The following LFNG variants were observed in gnomAD, a reference collection of about 807,000 sequenced individuals.
LFNG encodes the protein beta-1,3-N-acetylglucosaminyltransferase lunatic fringe.
A neutral mutation model predicts 32.7 loss-of-function variants in LFNG; 15 were observed. The observed-to-expected ratio is 0.46, with a 90% CI of 0.31 to 0.71. LFNG has a LOEUF of 0.71. Ranked by LOEUF, LFNG falls within the 30% of genes least tolerant of loss-of-function variation. The pLI is 0.06. For synonymous variants in LFNG, 274 were observed against 246.8 expected, an observed-to-expected ratio of 1.11 and a Z score of -1.03; for missense variants, 520 against 545.7, an observed-to-expected ratio of 0.95 and a Z score of 0.47.
chr7:2,529,155 T>A (rs1233616106), downstream of LFNG: 1 of 318,014 alleles, frequency 3.1e-6, no homozygotes, highest in East Asian at 4.7e-5. The surrounding 1 kb of genome is among the most constrained non-coding windows in gnomAD (Gnocchi z 4.2). Flanking sequence ...ACAGCAGCTC[T>A]GCGGTGCTTT....
rs770669804 is a variant in LFNG at position 2,527,196 on chromosome 7, G to A, written c.1124G>A (p.Arg375His). 77 of 1,612,594 alleles carry A rather than the reference G, an allele frequency of 4.8e-5. No homozygotes were observed. In the East Asian group the frequency reaches 7.6e-4, roughly 16 times the overall value. Residue 375 changes from arginine (R) to histidine (H), a missense_variant, in exon 8 of 8, where the codon CGC (arginine) becomes CAC (histidine). Transcript: ENST00000222725. This position sits in a 1 kb window ranked among gnomAD's most constrained non-coding sequence, Gnocchi z 4.4. ...TACCCGGACACACCCTGGTGTCCCC[G>A]CACTGCCATCTTCTAGTGGCCATGG... The part of the protein sequence containing the change: ...HLYPDTPWCP[R>H]TAIF
Position 2,520,183 on chromosome 7 carries a change from G to C in LFNG, c.322G>C (p.Glu108Gln), listed in dbSNP as rs1479321349. The C allele has an allele frequency of 8.3e-6, 13 of 1,568,018 alleles. No homozygotes were observed. Among genetic ancestry groups the C allele is most frequent in the Non-Finnish European group, 1.1e-5 (13 of 1,159,114 alleles). Residue 108 changes from glutamate to glutamine, a missense_variant, in exon 1 of 8, where the codon GAG (glutamate) becomes CAG (glutamine). By Grantham distance (29) the Glu-to-Gln change is conservative. Around this residue, in one of 3 missense-constraint regions of LFNG, gnomAD observed 360 missense variants for 354.7 expected, o/e 1.01. Transcript: ENST00000222725. The surrounding 1 kb of genome is among the most constrained non-coding windows in gnomAD (Gnocchi z 5.0). ...PADGHPRPLA[E>Q]PLAPRDVFIA... ...CGACGGCCACCCGCGCCCCCTGGCC[G>C]AGCCGCTCGCGCCCCGAGACGTCTT...
upstream of LFNG, among the ~76,000 whole-genome samples, chr7:2,519,672 C>T (rs927096766): frequency 6.7e-6 from 1 of 149,140 alleles, no homozygotes; most frequent in Non-Finnish European, 1.5e-5. Flanking sequence ...CGTGGAGCGG[C>T]GACCGGCGCG....
chr7:2,519,181 C>A (rs543203188), upstream of LFNG, among the ~76,000 whole-genome samples: 8 of 152,264 alleles, frequency 5.3e-5, no homozygotes, highest in East Asian at 1.5e-3. Context: ...GGTGCTTTCT[C>A]GTTAGAACCT....
At position 2,527,735 on chromosome 7, in the gene LFNG, C is replaced by T. The variant is rs1780037234; in HGVS notation, c.*523C>T. The T allele has an allele frequency of 2.9e-6, 3 of 1,040,688 alleles. No individual in the cohort carries two copies. The highest frequency in any genetic ancestry group is 3.5e-6 in the Non-Finnish European group (3 of 861,392). The allele number at this position is 1,040,688 out of a possible 1,614,324, so 64.5% of individuals were successfully genotyped here. A position where few individuals can be genotyped will look rare whatever the true frequency, so the allele number is the denominator to read the frequency against. On this transcript the variant is annotated 3_prime_UTR_variant, in exon 8 of 8. Transcript: ENST00000222725. This position sits in a 1 kb window ranked among gnomAD's most constrained non-coding sequence, Gnocchi z 4.4. ...GGGTGCGTGACCCAATCCCCTTCCT[C>T]CTGGCCTGGACGCTGTGGCTTAAGA...
In LFNG at chr7:2,526,951, C is replaced by T. The variant is rs772290237; in HGVS notation, c.1073+30C>T. On this transcript the variant is annotated intron_variant, in intron 7 of 7. Transcript: ENST00000222725. This position sits in a 1 kb window ranked among gnomAD's most constrained non-coding sequence, Gnocchi z 6.9. ...GGAAACCCCGGCCCAGATGGGCTTGCGTAGGGTGGCCTAGGGGCGTCAGGG... is the reference window on the plus strand; with the variant it reads ...GGAAACCCCGGCCCAGATGGGCTTGTGTAGGGTGGCCTAGGGGCGTCAGGG... 5.6e-6 allele frequency: 9 copies of T among 1,601,902 alleles called. No individual in the cohort carries two copies. Among genetic ancestry groups the T allele is most frequent in the Admixed American group, 1.7e-5 (1 of 59,696 alleles).
At position 2,526,514 on chromosome 7, in the gene LFNG, C is replaced by A; in HGVS notation, c.987+105C>A. On this transcript the variant is annotated intron_variant, in intron 6 of 7. Transcript: ENST00000222725. This position sits in a 1 kb window ranked among gnomAD's most constrained non-coding sequence, Gnocchi z 6.9. ...TGGGGCACTGTTCTAAACAGGGAGG[C>A]CAGGCAGCACTCCACTGTCAGCCAG... The A allele has an allele frequency of 8.1e-7, 1 of 1,240,136 alleles. No homozygotes were observed. The highest frequency in any genetic ancestry group is 1.1e-6 in the Non-Finnish European group (1 of 870,286). 76.8% of individuals were successfully genotyped at this position (1,240,136 alleles called of 1,614,324 possible). A position where few individuals can be genotyped will look rare whatever the true frequency, so the allele number is the denominator to read the frequency against.
chr7:2,526,185 C>T lies in LFNG; in HGVS notation c.822-59C>T. The T allele has an allele frequency of 6.3e-7, 1 of 1,595,448 alleles. No homozygotes were observed. On this transcript the variant is annotated intron_variant, in intron 5 of 7. Transcript: ENST00000222725. This position sits in a 1 kb window ranked among gnomAD's most constrained non-coding sequence, Gnocchi z 6.9. ...GCGCCTTTGCCTGGTGGGGCCTCCC[C>T]AGCTCCCAGCAGATGGCTCCCGCCT...
chr7:2,520,248 C>T lies in LFNG; in HGVS notation c.387C>T (p.Arg129=). The change falls in exon 1 of 8, where the codon CGC becomes CGT. Residue 129 remains arginine, a synonymous_variant. Transcript: ENST00000222725. This position sits in a 1 kb window ranked among gnomAD's most constrained non-coding sequence, Gnocchi z 5.0. ...VKTTKKFHRA[R]LDLLLETWIS... ...CCACCAAAAAGTTCCACCGCGCGCG[C>T]CTCGACCTGCTGCTGGAGACCTGGA... is the stretch of plus-strand genomic sequence containing the variant. 6.2e-7 allele frequency: 1 copy of T among 1,610,274 alleles called. No homozygotes were observed. The highest frequency in any genetic ancestry group is 1.1e-5 in the South Asian group (1 of 91,000).
At chr7:2,525,845 T>G in intron 5 of LFNG, 75 bp downstream of exon 5, 1 of 1,309,686 alleles carries the variant, frequency 7.6e-7, no homozygotes, top group Non-Finnish European at 1.1e-6. Context: ...TAGTTCATCT[T>G]CCCAGCCATG....
At chr7:2,517,792 A>C (rs1779665691), upstream of LFNG, 1 of 1,044,088 alleles carries the variant, frequency 9.6e-7, no homozygotes, top group East Asian at 6.1e-5. Context: ...GCCTCAAGAA[A>C]CGGGGCTGGG....
At chr7:2,516,829 C>T (rs922246391), upstream of LFNG, among the ~76,000 whole-genome samples, 2 of 152,344 alleles carry the variant, frequency 1.3e-5, no homozygotes, top group Middle Eastern at 6.8e-3. Context: ...GATGGTATGT[C>T]ATCCTTGTGT....
chr7:2,524,801 C>A (rs1304701857), intron 2 of LFNG, 58 bp downstream of exon 2: 20 of 1,458,432 alleles, frequency 1.4e-5, no homozygotes, highest in Non-Finnish European at 1.7e-5. Flanking sequence ...GCCGAACGCT[C>A]CCCCTCCAGT....
rs138480666 is a variant in LFNG, at chr7:2,526,206, C to G, written c.822-38C>G. ...TCCCCAGCTCCCAGCAGATGGCTCC[C>G]GCCTCTGCTCACTGGTCTGGGCCCT... On this transcript the variant is annotated intron_variant, in intron 5 of 7. Transcript: ENST00000222725. This position sits in a 1 kb window ranked among gnomAD's most constrained non-coding sequence, Gnocchi z 6.9. 1 of 1,609,138 alleles carries G rather than the reference C, an allele frequency of 6.2e-7. No individual in the cohort carries two copies. Among genetic ancestry groups the G allele is most frequent in the Admixed American group, 1.7e-5 (1 of 59,998 alleles).
Position 2,512,649 on chromosome 7 carries a change from A to G in LFNG, c.-6A>G, listed in dbSNP as rs763791684. On this transcript the variant is annotated 5_prime_UTR_variant, in exon 1 of 9. Transcript: ENST00000402506. ...CCCTGGCCACAAGGACCCAAAGCTC[A>G]GAGGGATGGATGAACAGACAGGAAG... 1.9e-6 allele frequency: 3 copies of G among 1,613,544 alleles called. No individual in the cohort carries two copies. In the South Asian group the frequency reaches 3.3e-5, roughly 18 times the overall value.
chr7:2,520,345 T>G lies in LFNG; in HGVS notation c.432+52T>G. 1.3e-6 allele frequency: 2 copies of G among 1,513,710 alleles called. No homozygotes were observed. Among genetic ancestry groups the G allele is most frequent in the East Asian group, 2.4e-5 (1 of 41,676 alleles). 93.8% of individuals were successfully genotyped at this position (1,513,710 alleles called of 1,614,324 possible). On this transcript the variant is annotated intron_variant, in intron 1 of 7. Transcript: ENST00000222725. This position sits in a 1 kb window ranked among gnomAD's most constrained non-coding sequence, Gnocchi z 5.0. ...GGGCGAGCGGGGCGGGGACCCACCA[T>G]CTGGTCCAGCTGGTGGCAGTGTCCC...
downstream of LFNG, chr7:2,528,777 A>T: frequency 4.6e-6 from 3 of 647,942 alleles, no homozygotes; most frequent in South Asian, 5.0e-5. Context: ...CCCCTGCAGG[A>T]GGGACAGTGA....
At chr7:2,529,143 A>C (rs1780081040), downstream of LFNG, 1 of 344,312 alleles carries the variant, frequency 2.9e-6, no homozygotes, top group South Asian at 1.3e-4. This position sits in a 1 kb window ranked among gnomAD's most constrained non-coding sequence, Gnocchi z 4.2. Context: ...TGTTTTTTAA[A>C]TACAGCAGCT....
intron 1 of LFNG, among the ~76,000 whole-genome samples, chr7:2,521,922 C>G (rs1436968068): frequency 6.6e-6 from 1 of 152,178 alleles, no homozygotes; most frequent in African/African-American, 2.4e-5. Context: ...CTCCCTTGAG[C>G]CCTGAGGTCC....
Sources: allele counts gnomAD v4.1 joint callset (sites outside exome capture counted in the v4.1 genomes callset), GRCh38; gene constraint gnomAD v4.1.1; regional missense constraint gnomAD v4.1.1; non-coding constraint Gnocchi (gnomAD v3.1); transcripts MANE v1.5; gene names NCBI Gene and HGNC (gene_info 2026-07-23, HGNC 2026-07-21).